SYNJ1: variants seen among roughly 807,000 people sequenced by gnomAD.
The protein encoded by SYNJ1 is synaptojanin 1, also known as polyphosphatidylinositol phosphatase SYNJ1.
A neutral mutation model predicts 168.2 loss-of-function variants in SYNJ1; 78 were observed. That is an observed-to-expected ratio of 0.46 (90% CI 0.39 to 0.56). The LOEUF (loss-of-function observed/expected upper bound fraction) is 0.56. Ranked by LOEUF, SYNJ1 falls within the 20% of genes least tolerant of loss-of-function variation. The probability of loss-of-function intolerance (pLI) is 0.00; values close to 1 mark genes in which losing one functional copy is unlikely to be tolerated. For synonymous variants in SYNJ1, 539 were observed against 548.6 expected (o/e 0.98, Z 0.24); for missense variants, 1,303 against 1,597.6 (o/e 0.82, Z 3.14).
chr21:32,671,217 G>A (rs538445173), intron 14 of SYNJ1, among the ~76,000 whole-genome samples: 2 of 152,098 alleles, frequency 1.3e-5, no homozygotes, highest in South Asian at 2.1e-4. Flanking sequence ...TGAGGAGGGA[G>A]GATCTCTTGA....
At position 32,629,419 on chromosome 21, in the gene SYNJ1, A is replaced by G. The variant is rs1033975561; in HGVS notation, c.*2386T>C. The G allele has an allele frequency of 2.6e-5, 4 of 152,686 alleles. No individual in the cohort carries two copies. Among genetic ancestry groups the G allele is most frequent in the African/African-American group, 9.6e-5 (4 of 41,466 alleles). The allele number at this position is 152,686 out of a possible 1,614,324, so 9.5% of individuals were successfully genotyped here. On this transcript the variant is annotated 3_prime_UTR_variant, in exon 33 of 33. Coordinates refer to ENST00000674351, the MANE Select transcript of SYNJ1 (RefSeq NM_203446.3). ...CAGCAAATCTTGGCTGTTAACAGAG[A>G]AGATTACTTCTATAAATATAGTATT... is the stretch of plus-strand genomic sequence containing the variant.
Position 32,688,359 on chromosome 21 carries a change from AG to A in SYNJ1, c.797del (p.Ser266PhefsTer32). ...ATCCCCTTGACATACGGACACGATG[AG>A]ATCCCACCTTAGACAAGAAAAATAT... ...FWEQPGLQVG[S>X]HRVRMSRGFE... On this transcript the variant is annotated frameshift_variant, in exon 7 of 33. Transcript: ENST00000674351. LOFTEE classifies it high-confidence loss of function. The A allele has an allele frequency of 6.2e-7, 1 of 1,613,500 alleles. No homozygotes were observed. Among genetic ancestry groups the A allele is most frequent in the Non-Finnish European group, 8.5e-7 (1 of 1,179,792 alleles).
chr21:32,717,117 G>T (rs953710905), intron 2 of SYNJ1, among the ~76,000 whole-genome samples: 1 of 151,972 alleles, frequency 6.6e-6, no homozygotes, highest in African/African-American at 2.4e-5. Context: ...CTGCCACCAC[G>T]CCCGGCTAAT....
chr21:32,675,008 T>C (rs1457718828), intron 13 of SYNJ1, among the ~76,000 whole-genome samples: 1 of 152,220 alleles, frequency 6.6e-6, no homozygotes, highest in Non-Finnish European at 1.5e-5. Context: ...TGATTGCTTG[T>C]ATAGAGGTGT....
At chr21:32,725,892 G>A (rs2043428971) in intron 2 of SYNJ1, among the ~76,000 whole-genome samples, 2 of 152,002 alleles carry the variant, frequency 1.3e-5, no homozygotes, top group South Asian at 2.1e-4. Context: ...CCAAGCTGGA[G>A]CGCAGTGGCG....
At chr21:32,668,045 G>A (rs2041018220) in intron 15 of SYNJ1, among the ~76,000 whole-genome samples, 1 of 139,194 alleles carries the variant, frequency 7.2e-6, no homozygotes, top group African/African-American at 2.7e-5. Flanking sequence ...GTGTGTGTGT[G>A]TGTGCATGTG....
rs138649719 is a variant in SYNJ1 at position 32,667,111 on chromosome 21, C to CAA, written c.1812-540_1812-539dup. The stretch of plus-strand genomic sequence containing the variant: ...CAAAAAAGTCTGCAAGTAAAAAAGA[C>CAA]AAAAAAAAAAAGGCTACACATGTTC... On this transcript the variant is annotated intron_variant, in intron 15 of 32. Transcript: ENST00000674351. Among the ~76,000 whole-genome samples the CAA allele has an allele frequency of 1.3e-3, 157 of 121,936 alleles. 3 individuals carry two copies. The highest frequency in any genetic ancestry group is 7.7e-3 in the South Asian group (31 of 4,002). The allele number at this position is 121,936 out of a possible 152,430, so 80.0% of individuals were successfully genotyped here.
At chr21:32,681,371 A>T in intron 11 of SYNJ1, 125 bp downstream of exon 11, 1 of 1,133,370 alleles carries the variant, frequency 8.8e-7, no homozygotes, top group Non-Finnish European at 1.2e-6. Context: ...AAAGCACATT[A>T]AACAGAATTC....
chr21:32,663,613 GA>G (rs1312716866), intron 18 of SYNJ1, among the ~76,000 whole-genome samples: 1 of 152,154 alleles, frequency 6.6e-6, no homozygotes, highest in East Asian at 1.9e-4. Flanking sequence ...TGCTGCCCGA[GA>G]AAAGAGAAGC....
chr21:32,720,380 C>T lies in SYNJ1; in HGVS notation c.124+6392G>A, dbSNP rs542136337. 3.3e-5 allele frequency among the ~76,000 whole-genome samples: 5 copies of T among 152,282 alleles called. No homozygotes were observed. In the East Asian group the frequency reaches 7.7e-4, roughly 23 times the overall value. ...AGTGGTAGCCATTATCATTTCACTA[C>T]GATTAGTCCTTTACGCAGTTTTATA... On this transcript the variant is annotated intron_variant, in intron 2 of 32. Transcript: ENST00000674351.
intron 18 of SYNJ1, among the ~76,000 whole-genome samples, chr21:32,662,945 TA>T (rs2040774854): frequency 6.6e-6 from 1 of 151,968 alleles, no homozygotes; most frequent in African/African-American, 2.4e-5. Context: ...GATCCTCGAG[TA>T]AATATCTTAG....
intron 14 of SYNJ1, chr21:32,670,866 G>A (rs1368393562): frequency 1.1e-6 from 1 of 948,048 alleles, no homozygotes; most frequent in Non-Finnish European, 1.3e-6. Flanking sequence ...AAAACTAGGA[G>A]AGATCCAGAA....
At chr21:32,670,959 GC>G in intron 14 of SYNJ1, 1 of 335,160 alleles carries the variant, frequency 3.0e-6, no homozygotes, top group Non-Finnish European at 4.2e-6. Context: ...TGAGAAAGCA[GC>G]CCAGGGAGAC....
At position 32,631,201 on chromosome 21, in the gene SYNJ1, T is replaced by G. The variant is rs371425452; in HGVS notation, c.*604A>C. Reference sequence around the variant, plus strand: ...GAGCCAGAAAATGAACTTGGCTGATTACCCAGTAAGTCTGAACAAGCTGAC... The same window carrying G: ...GAGCCAGAAAATGAACTTGGCTGATGACCCAGTAAGTCTGAACAAGCTGAC... On this transcript the variant is annotated 3_prime_UTR_variant, in exon 33 of 33. Transcript: ENST00000674351. 42 of 1,614,098 alleles carry G rather than the reference T, an allele frequency of 2.6e-5. No homozygotes were observed. Among genetic ancestry groups the G allele is most frequent in the Non-Finnish European group, 3.6e-5 (42 of 1,180,042 alleles).
intron 24 of SYNJ1, chr21:32,646,025 G>C (rs750946245): frequency 1.3e-6 from 1 of 781,798 alleles, no homozygotes; most frequent in South Asian, 1.4e-5. Context: ...GGTGCTGAAA[G>C]CTAATTTACT....
At chr21:32,682,633 C>T (rs1470728904) in intron 10 of SYNJ1, among the ~76,000 whole-genome samples, 1 of 152,104 alleles carries the variant, frequency 6.6e-6, no homozygotes, top group Non-Finnish European at 1.5e-5. Flanking sequence ...GATCTTATTC[C>T]TCTACTAGTT....
intron 31 of SYNJ1, among the ~76,000 whole-genome samples, chr21:32,637,743 A>T (rs1480318009): frequency 6.6e-6 from 1 of 152,198 alleles, no homozygotes; most frequent in Admixed American, 6.5e-5. Context: ...AAACTAAAAA[A>T]ATATAGAATT....
In SYNJ1 at chr21:32,696,103, C is replaced by T. The variant is rs570698841; in HGVS notation, c.480-821G>A. ...TCCTGACCTTGTGATCCACCTGCCT[C>T]GGCCTCCCAAAGTGCTGGGATTACA... On this transcript the variant is annotated intron_variant, in intron 4 of 32. Coordinates refer to ENST00000674351, the MANE Select transcript of SYNJ1 (RefSeq NM_203446.3). Among the ~76,000 whole-genome samples, 17 of 152,264 alleles carry T rather than the reference C, an allele frequency of 1.1e-4. No homozygotes were observed. In the South Asian group the frequency reaches 3.1e-3, roughly 28 times the overall value.
chr21:32,724,575 A>G (rs1753373655), intron 2 of SYNJ1, among the ~76,000 whole-genome samples: 1 of 152,258 alleles, frequency 6.6e-6, no homozygotes, highest in Non-Finnish European at 1.5e-5. Context: ...ACTGAAATTC[A>G]GGGAGCTGGG....
Sources: allele counts gnomAD v4.1 joint callset (sites outside exome capture counted in the v4.1 genomes callset), GRCh38; gene constraint gnomAD v4.1.1; transcripts MANE v1.5; gene names NCBI Gene and HGNC (gene_info 2026-07-23, HGNC 2026-07-21).